The following EPHA6 variants were observed in gnomAD, a reference collection of about 807,000 sequenced individuals.
EPHA6 encodes EPH receptor A6.
In EPHA6, 50 loss-of-function variants were observed where a neutral mutation model predicts 112.0. That is an observed-to-expected ratio of 0.45 (90% confidence interval 0.36 to 0.56). The LOEUF (loss-of-function observed/expected upper bound fraction) is 0.56. Ranked by LOEUF, EPHA6 falls within the 20% of genes least tolerant of loss-of-function variation. The probability of loss-of-function intolerance (pLI) is 0.00; values close to 1 mark genes in which losing one functional copy is unlikely to be tolerated. For missense variants in EPHA6, 1,280 were observed against 1,417.4 expected, an observed-to-expected ratio of 0.90 and a Z score of 1.56; for synonymous variants, 529 against 490.7, an observed-to-expected ratio of 1.08 and a Z score of -1.03.
chr3:96,840,604 G>T (rs2034685565), intron 1 of EPHA6, among the ~76,000 whole-genome samples: 1 of 152,090 alleles, frequency 6.6e-6, no homozygotes, highest in South Asian at 2.1e-4. Context: ...CCTATGTATA[G>T]GATGTCAGTG....
At chr3:97,719,364 C>A (rs1427139343) in intron 14 of EPHA6, among the ~76,000 whole-genome samples, 1 of 151,964 alleles carries the variant, frequency 6.6e-6, no homozygotes, top group Admixed American at 6.6e-5. Flanking sequence ...AGACAGCAAT[C>A]TGGGAGCCGC....
chr3:97,097,408 A>G (rs2047272573), intron 3 of EPHA6, among the ~76,000 whole-genome samples: 2 of 152,000 alleles, frequency 1.3e-5, no homozygotes, highest in Middle Eastern at 3.4e-3. Flanking sequence ...GAAATATACT[A>G]CCTTGTAAAC....
chr3:97,138,681 G>C (rs1004141028), intron 3 of EPHA6, among the ~76,000 whole-genome samples: 1 of 152,184 alleles, frequency 6.6e-6, no homozygotes, highest in African/African-American at 2.4e-5. Context: ...CTCAAACCAA[G>C]GAGGACCCTC....
chr3:97,529,631 A>T (rs1306671226), intron 10 of EPHA6, among the ~76,000 whole-genome samples: 2 of 152,068 alleles, frequency 1.3e-5, no homozygotes, highest in African/African-American at 4.8e-5. Context: ...CATTTAATTT[A>T]AAATTTTTTT....
intron 3 of EPHA6, among the ~76,000 whole-genome samples, chr3:97,225,101 G>A (rs1045665912): frequency 1.3e-5 from 2 of 152,038 alleles, no homozygotes; most frequent in Non-Finnish European, 2.9e-5. Context: ...GACTACAGGC[G>A]CCCGCCACCA....
At chr3:97,741,582 C>A (rs187090666) in intron 16 of EPHA6, among the ~76,000 whole-genome samples, 1 of 152,006 alleles carries the variant, frequency 6.6e-6, no homozygotes, top group Non-Finnish European at 1.5e-5. Context: ...ATCCCTTAGA[C>A]ACGGAAACAG....
chr3:97,425,278 G>T (rs1301859033), intron 6 of EPHA6, among the ~76,000 whole-genome samples: 1 of 152,230 alleles, frequency 6.6e-6, no homozygotes, highest in South Asian at 2.1e-4. Flanking sequence ...TGCCCTAGCA[G>T]AGGTTCTTCA....
chr3:96,851,150 G>A (rs912415051), intron 1 of EPHA6, among the ~76,000 whole-genome samples: 1 of 152,016 alleles, frequency 6.6e-6, no homozygotes, highest in African/African-American at 2.4e-5. Context: ...TTAAACTGGT[G>A]CTAATGCTAA....
At chr3:97,427,989 C>T (rs1027191786) in intron 6 of EPHA6, among the ~76,000 whole-genome samples, 2 of 152,042 alleles carry the variant, frequency 1.3e-5, no homozygotes, top group East Asian at 3.8e-4. Flanking sequence ...ATAATCTATA[C>T]CCCAAATCCC....
At position 97,405,901 on chromosome 3, in the gene EPHA6, T is replaced by G. The variant is rs183932933; in HGVS notation, c.1731+627T>G. On this transcript the variant is annotated intron_variant, in intron 6 of 17. Transcript: ENST00000389672. ...TTCCCCATTATATACTTTATTCCCT[T>G]TATTATATTTATGTTCTTTATGCAT... Among the ~76,000 whole-genome samples, 5 of 152,218 alleles carry G rather than the reference T, an allele frequency of 3.3e-5. No individual in the cohort carries two copies. The East Asian group carries it at 9.7e-4, about 29-fold the overall frequency.
intron 13 of EPHA6, among the ~76,000 whole-genome samples, chr3:97,634,408 GT>G (rs1177288987): frequency 1.1e-4 from 16 of 151,738 alleles, no homozygotes; most frequent in Non-Finnish European, 1.9e-4. Context: ...TTTATAAACA[GT>G]AGATAGACCA....
At chr3:97,180,796 A>G (rs1245084560) in intron 3 of EPHA6, among the ~76,000 whole-genome samples, 1 of 151,970 alleles carries the variant, frequency 6.6e-6, no homozygotes. Context: ...CTCTTTTGGA[A>G]CTGTGATTTG....
chr3:97,696,595 A>AGAACCATAT (rs2033056892), intron 14 of EPHA6, among the ~76,000 whole-genome samples: 1 of 152,164 alleles, frequency 6.6e-6, no homozygotes, highest in Non-Finnish European at 1.5e-5. Flanking sequence ...CCACCTCATA[A>AGAACCATAT]GAACCATATC....
At chr3:97,319,723 G>GA (rs1445719454) in intron 5 of EPHA6, among the ~76,000 whole-genome samples, 47 of 141,846 alleles carry the variant, frequency 3.3e-4, no homozygotes, top group South Asian at 1.1e-3. Flanking sequence ...AAAACAAAAC[G>GA]AAAAAAACAG....
chr3:97,048,903 G>A (rs966504680), intron 3 of EPHA6, among the ~76,000 whole-genome samples: 5 of 152,272 alleles, frequency 3.3e-5, no homozygotes, highest in East Asian at 1.9e-4. Flanking sequence ...GGGAGCAGGG[G>A]GATGTGCAGT....
In EPHA6 at chr3:97,231,201, G is replaced by C. The variant is rs749551313; in HGVS notation, c.1270+4782G>C. Among the ~76,000 whole-genome samples, 12 of 152,110 alleles carry C rather than the reference G, an allele frequency of 7.9e-5. No individual in the cohort carries two copies. In the South Asian group the frequency reaches 1.0e-3, roughly 13 times the overall value. ...CATTGTTATCAATGATCCAAAGAGA[G>C]AACCCCCAAAGAAAAGTGAAATATA... On this transcript the variant is annotated intron_variant, in intron 4 of 17. Transcript: ENST00000389672.
intron 5 of EPHA6, among the ~76,000 whole-genome samples, chr3:97,327,168 A>C (rs1450295231): frequency 6.6e-6 from 1 of 152,120 alleles, no homozygotes; most frequent in Admixed American, 6.6e-5. Flanking sequence ...GATAAACAGT[A>C]AATTACATTA....
At chr3:96,891,801 T>C (rs757334933) in intron 2 of EPHA6, among the ~76,000 whole-genome samples, 26 of 152,214 alleles carry the variant, frequency 1.7e-4, no homozygotes, top group Non-Finnish European at 3.8e-4. Context: ...GAGAAAAATT[T>C]ATCGATCTGT....
At chr3:97,351,488 A>G (rs908631438) in intron 5 of EPHA6, among the ~76,000 whole-genome samples, 1 of 152,236 alleles carries the variant, frequency 6.6e-6, no homozygotes, top group Non-Finnish European at 1.5e-5. Context: ...ATTTGGGAAT[A>G]CATTGAGGTC....
Sources: gnomAD v4.1 joint callset for allele counts (sites outside exome capture counted in the v4.1 genomes callset) on GRCh38, gnomAD v4.1.1 for gene constraint, MANE v1.5 for transcripts, NCBI Gene and HGNC (gene_info 2026-07-23, HGNC 2026-07-21) for gene names.